Variants in THSD7A observed in about 807,000 individuals in gnomAD.
THSD7A encodes thrombospondin type-1 domain-containing protein 7A.
A neutral mutation model predicts 231.3 loss-of-function variants in THSD7A; 96 were observed. The ratio of observed to expected loss-of-function variants is 0.41; its 90% CI spans 0.35 to 0.49. THSD7A has a LOEUF of 0.49. Ranked by LOEUF, THSD7A falls within the 20% of genes least tolerant of loss-of-function variation. THSD7A has a pLI of 0.05. For synonymous variants in THSD7A, 940 were observed against 743.3 expected, an observed-to-expected ratio of 1.26 and a Z score of -4.30; for missense variants, 2,290 against 2,070.2, an observed-to-expected ratio of 1.11 and a Z score of -2.06.
intron 2 of THSD7A, among the ~76,000 whole-genome samples, chr7:11,620,942 G>A (rs920689144): frequency 3.3e-5 from 5 of 152,110 alleles, no homozygotes; most frequent in African/African-American, 1.2e-4. Flanking sequence ...TTTATTCTCA[G>A]CTTCACGTGT....
intron 24 of THSD7A, among the ~76,000 whole-genome samples, chr7:11,381,621 G>A (rs1782520185): frequency 6.6e-6 from 1 of 152,158 alleles, no homozygotes; most frequent in African/African-American, 2.4e-5. Context: ...TGCCTGAGCA[G>A]TTAACTGTCA....
At chr7:11,780,582 A>G (rs1435283105) in intron 1 of THSD7A, among the ~76,000 whole-genome samples, 6 of 152,212 alleles carry the variant, frequency 3.9e-5, no homozygotes, top group Admixed American at 1.3e-4. Flanking sequence ...CTCTAGCTCC[A>G]GTCAATCCTT....
chr7:11,534,963 G>A (rs1548503), intron 6 of THSD7A, among the ~76,000 whole-genome samples: 4 of 152,046 alleles, frequency 2.6e-5, no homozygotes, highest in African/African-American at 2.4e-5. Context: ...GGGCAACACA[G>A]TGAGACCACA....
At chr7:11,622,065 A>AT (rs1781328293) in intron 2 of THSD7A, among the ~76,000 whole-genome samples, 2 of 152,172 alleles carry the variant, frequency 1.3e-5, no homozygotes, top group Non-Finnish European at 2.9e-5. Context: ...GTAGGAAAAG[A>AT]TTTTGTAATG....
intron 1 of THSD7A, among the ~76,000 whole-genome samples, chr7:11,666,103 G>T (rs1051878299): frequency 2.6e-5 from 4 of 152,026 alleles, no homozygotes; most frequent in Non-Finnish European, 5.9e-5. Context: ...TTTATAAATT[G>T]TCATGGGCAG....
At chr7:11,378,383 A>C (rs1250786502) in intron 26 of THSD7A, among the ~76,000 whole-genome samples, 1 of 152,152 alleles carries the variant, frequency 6.6e-6, no homozygotes, top group Non-Finnish European at 1.5e-5. Flanking sequence ...CTGAGGAGGG[A>C]AAGTGTGCAG....
chr7:11,463,722 T>C (rs1046970193), intron 9 of THSD7A, among the ~76,000 whole-genome samples: 2 of 152,182 alleles, frequency 1.3e-5, no homozygotes, highest in African/African-American at 4.8e-5. Context: ...AATATTGTCA[T>C]GGACTTTTAA....
intron 1 of THSD7A, among the ~76,000 whole-genome samples, chr7:11,800,062 T>A (rs1193947318): frequency 6.6e-6 from 1 of 152,108 alleles, no homozygotes; most frequent in African/African-American, 2.4e-5. Flanking sequence ...CTGGCTTCAC[T>A]ATGTGCACTG....
chr7:11,575,147 C>T (rs1476914396), intron 4 of THSD7A, among the ~76,000 whole-genome samples: 2 of 152,142 alleles, frequency 1.3e-5, no homozygotes, highest in Non-Finnish European at 2.9e-5. Flanking sequence ...AATCATCTAT[C>T]ATCCTCGTCA....
At position 11,373,320 on chromosome 7, in the gene THSD7A, T is replaced by C. The variant is rs959299889; in HGVS notation, c.*2474A>G. ...TTCATAAGAGGGTTAGCTGAATTTT[T>C]CAAGTAACCACAATAGAGTCTTTCT... On this transcript the variant is annotated 3_prime_UTR_variant, in exon 28 of 28. Transcript: ENST00000423059. 13 of 152,022 alleles carry C rather than the reference T, an allele frequency of 8.6e-5. No homozygotes were observed. The highest frequency in any genetic ancestry group is 2.9e-4 in the African/African-American group (12 of 41,446). 9.4% of individuals were successfully genotyped at this position (152,022 alleles called of 1,614,324 possible).
intron 23 of THSD7A, among the ~76,000 whole-genome samples, chr7:11,388,391 A>G (rs952747921): frequency 2.6e-5 from 4 of 152,222 alleles, no homozygotes; most frequent in African/African-American, 9.6e-5. Context: ...CTATTCAGGG[A>G]TTCGACTTCT....
At chr7:11,786,335 T>C (rs564576934) in intron 1 of THSD7A, among the ~76,000 whole-genome samples, 6 of 152,178 alleles carry the variant, frequency 3.9e-5, no homozygotes, top group African/African-American at 1.4e-4. Flanking sequence ...CACTGTAACA[T>C]TGCTAGAAAC....
At chr7:11,631,419 C>T (rs1471063699) in intron 2 of THSD7A, among the ~76,000 whole-genome samples, 1 of 151,994 alleles carries the variant, frequency 6.6e-6, no homozygotes, top group Non-Finnish European at 1.5e-5. Context: ...GTGGTAATAA[C>T]TGCATGATTT....
intron 2 of THSD7A, among the ~76,000 whole-genome samples, chr7:11,613,100 A>G (rs1780986754): frequency 6.6e-6 from 1 of 152,200 alleles, no homozygotes; most frequent in African/African-American, 2.4e-5. Flanking sequence ...AAAATATTTG[A>G]GTGTTAGAGG....
rs1287329718 is a variant in THSD7A, at chr7:11,637,636, T to A, written c.191-675A>T. 6.6e-6 allele frequency among the ~76,000 whole-genome samples: 1 copy of A among 152,212 alleles called. No individual in the cohort carries two copies. The highest frequency in any genetic ancestry group is 1.5e-5 in the Non-Finnish European group (1 of 68,030). ...ATAGAGCTGGGTAAGGGAATTTAAA[T>A]GTAACTAAAAGACTTTTGCAATTTT... On this transcript the variant is annotated intron_variant, in intron 1 of 27. Transcript: ENST00000423059. This position sits in a 1 kb window ranked among gnomAD's most constrained non-coding sequence, Gnocchi z 4.2.
chr7:11,563,138 A>G (rs6979362), intron 4 of THSD7A, among the ~76,000 whole-genome samples: 37,252 of 152,020 alleles, frequency 0.25, 5,333 homozygotes, highest in Admixed American at 0.43. Flanking sequence ...ATAGAAGTTT[A>G]TTTCCTCTTG....
chr7:11,502,628 T>A (rs970568057), intron 6 of THSD7A, among the ~76,000 whole-genome samples: 1 of 152,016 alleles, frequency 6.6e-6, no homozygotes, highest in African/African-American at 2.4e-5. Context: ...ACAAAACCAA[T>A]GTACAAAAAT....
rs947264803 is a variant in THSD7A, at chr7:11,411,480, C to T, written c.3683-158G>A. 2.0e-5 allele frequency among the ~76,000 whole-genome samples: 3 copies of T among 152,122 alleles called. No individual in the cohort carries two copies. The highest frequency in any genetic ancestry group is 2.9e-5 in the Non-Finnish European group (2 of 68,028). ...AGAGCATATGGGTCCCAGCTTTGAA[C>T]GTATCAGGAGTCAAATGGAATTGCT... On this transcript the variant is annotated intron_variant, in intron 18 of 27. Coordinates refer to ENST00000423059, the MANE Select transcript of THSD7A (RefSeq NM_015204.3). This position sits in a 1 kb window ranked among gnomAD's most constrained non-coding sequence, Gnocchi z 4.1.
chr7:11,635,986 G>A, intron 2 of THSD7A, 144 bp downstream of exon 2: 1 of 683,182 alleles, frequency 1.5e-6, no homozygotes, highest in Non-Finnish European at 2.4e-6. Context: ...ACTCACACAA[G>A]CTCAGAAGCC....
Sources: gnomAD v4.1 joint callset for allele counts (sites outside exome capture counted in the v4.1 genomes callset) on GRCh38, gnomAD v4.1.1 for gene constraint, Gnocchi (gnomAD v3.1) non-coding constraint, MANE v1.5 for transcripts, NCBI Gene and HGNC (gene_info 2026-07-23, HGNC 2026-07-21) for gene names.